The following RARA variants were observed in gnomAD, a reference collection of about 807,000 sequenced individuals.
RARA encodes the protein retinoic acid receptor alpha, also known as PML-DDX5-RARA fusion.
A neutral mutation model predicts 42.8 loss-of-function variants in RARA; 5 were observed. That is an observed-to-expected ratio of 0.12 (90% CI 0.06 to 0.25). The LOEUF (loss-of-function observed/expected upper bound fraction) is 0.25. RARA is among the 10% of genes least tolerant of loss of function. The pLI is 1.00. For missense variants in RARA, 402 were observed against 628.7 expected, an observed-to-expected ratio of 0.64 and a Z score of 3.86; for synonymous variants, 256 against 259.5, an observed-to-expected ratio of 0.99 and a Z score of 0.13.
Position 40,354,463 on chromosome 17 carries a change from T to C in RARA, c.969T>C (p.Asp323=), listed in dbSNP as rs148999974. ...ANQLLPLEMD[D]AETGLLSAIC... ...AGCTGCTGCCCCTGGAGATGGATGA[T>C]GCGGAGACGGGGCTGCTCAGCGCCA... Residue 323 remains aspartate, a synonymous_variant, in exon 7 of 9, where the codon GAT becomes GAC. Coordinates refer to ENST00000254066, the MANE Select transcript of RARA (RefSeq NM_000964.4). The surrounding 1 kb of genome is among the most constrained non-coding windows in gnomAD (Gnocchi z 4.5). 13 of 1,584,450 alleles carry C rather than the reference T, an allele frequency of 8.2e-6. No homozygotes were observed. The highest frequency in any genetic ancestry group is 3.4e-5 in the Admixed American group (2 of 59,128).
rs1246717505 is a variant in RARA at position 40,357,368 on chromosome 17, A to C, written c.*1142A>C. Reference sequence around the variant, plus strand: ...CAAACACACACACACTGGACAGTAGATGGGCCGACACACACTTGGCCCGAG... The same window carrying C: ...CAAACACACACACACTGGACAGTAGCTGGGCCGACACACACTTGGCCCGAG... On this transcript the variant is annotated 3_prime_UTR_variant, in exon 9 of 9. Coordinates refer to ENST00000254066, the MANE Select transcript of RARA (RefSeq NM_000964.4). The C allele has an allele frequency of 4.3e-6, 1 of 233,526 alleles. No individual in the cohort carries two copies. The highest frequency in any genetic ancestry group is 2.2e-5 in the African/African-American group (1 of 45,220). 14.5% of individuals were successfully genotyped at this position (233,526 alleles called of 1,614,324 possible).
chr17:40,338,554 G>A (rs2033925791), intron 2 of RARA, among the ~76,000 whole-genome samples: 1 of 152,000 alleles, frequency 6.6e-6, no homozygotes, highest in Non-Finnish European at 1.5e-5. Flanking sequence ...CTTAAAGCAA[G>A]ACTTCTGGCT....
intron 1 of RARA, among the ~76,000 whole-genome samples, chr17:40,315,122 G>T (rs1177989825): frequency 1.5e-4 from 7 of 47,986 alleles, no homozygotes; most frequent in South Asian, 7.1e-4. Context: ...ATATATATAT[G>T]CTTATATGTG....
At chr17:40,323,461 G>A (rs529210873) in intron 1 of RARA, among the ~76,000 whole-genome samples, 31 of 152,174 alleles carry the variant, frequency 2.0e-4, no homozygotes, top group African/African-American at 7.5e-4. Flanking sequence ...GGAGTGTCAA[G>A]GGGCTGTGGG....
In RARA at chr17:40,349,908, T is replaced by C. The variant is rs1384825156; in HGVS notation, c.452T>C (p.Val151Ala). 6.2e-7 allele frequency: 1 copy of C among 1,614,194 alleles called. No homozygotes were observed. ...TGCCGACTGCAGAAGTGCTTTGAAGTGGGCATGTCCAAGGAGTGTGAGTGC... is the reference window on the plus strand; with the variant it reads ...TGCCGACTGCAGAAGTGCTTTGAAGCGGGCATGTCCAAGGAGTGTGAGTGC... ...QYCRLQKCFE[V>A]GMSKESVRND... The change falls in exon 4 of 9, where the codon GTG (valine) becomes GCG (alanine). Residue 151 changes from valine to alanine, a missense_variant. Physicochemically the swap from Val to Ala is moderately conservative, Grantham distance 64 (BLOSUM62 0). Coordinates refer to ENST00000254066, the MANE Select transcript of RARA (RefSeq NM_000964.4).
At position 40,342,377 on chromosome 17, in the gene RARA, G is replaced by C. The variant is rs112359597; in HGVS notation, c.179-5939G>C. Reference sequence around the variant, plus strand: ...CGGACTTGGGGAGCCGCTGTACTCTGCCTCGGACGCCACGAGACTCTAGAC... The same window carrying C: ...CGGACTTGGGGAGCCGCTGTACTCTCCCTCGGACGCCACGAGACTCTAGAC... On this transcript the variant is annotated intron_variant, in intron 2 of 8. Coordinates refer to ENST00000254066, the MANE Select transcript of RARA (RefSeq NM_000964.4). 5 of 1,107,922 alleles carry C rather than the reference G, an allele frequency of 4.5e-6. No individual in the cohort carries two copies. In the African/African-American group the frequency reaches 8.1e-5, roughly 18 times the overall value. The allele number at this position is 1,107,922 out of a possible 1,614,324, so 68.6% of individuals were successfully genotyped here.
rs758153613 is a variant in RARA at position 40,354,549 on chromosome 17, G to A, written c.1012+43G>A. ...GTCTGGGGGCTGGGCTGGGACGGGG[G>A]TGCAGCCCTGGAGTCTCTTCCAGGG... is the stretch of plus-strand genomic sequence containing the variant. On this transcript the variant is annotated intron_variant, in intron 7 of 8. Transcript: ENST00000254066. The surrounding 1 kb of genome is among the most constrained non-coding windows in gnomAD (Gnocchi z 4.5). The A allele has an allele frequency of 1.1e-5, 18 of 1,588,024 alleles. No individual in the cohort carries two copies. Among genetic ancestry groups the A allele is most frequent in the East Asian group, 2.2e-5 (1 of 44,638 alleles).
At chr17:40,349,670 C>A (rs2034379452) in intron 3 of RARA, 114 bp from the exon 4 acceptor site, 2 of 1,387,834 alleles carry the variant, frequency 1.4e-6, no homozygotes, top group South Asian at 1.3e-5. Flanking sequence ...AGGCGATGGG[C>A]AAACGCTTGG....
Position 40,355,900 on chromosome 17 carries a change from G to T in RARA, c.1172-109G>T. 1.0e-6 allele frequency: 1 copy of T among 957,992 alleles called. No individual in the cohort carries two copies. The highest frequency in any genetic ancestry group is 1.7e-5 in the South Asian group (1 of 58,794). The allele number at this position is 957,992 out of a possible 1,614,324, so 59.3% of individuals were successfully genotyped here. A position where few individuals can be genotyped will look rare whatever the true frequency, so the allele number is the denominator to read the frequency against. ...TGTCAAAGAACTGAATCCCAAGAAA[G>T]ATGCTAATATCAGCAGTATTGATCT... On this transcript the variant is annotated intron_variant, in intron 8 of 8. Coordinates refer to ENST00000254066, the MANE Select transcript of RARA (RefSeq NM_000964.4). The surrounding 1 kb of genome is among the most constrained non-coding windows in gnomAD (Gnocchi z 4.1).
chr17:40,344,451 C>A (rs1041624228), intron 2 of RARA, among the ~76,000 whole-genome samples: 5 of 152,180 alleles, frequency 3.3e-5, no homozygotes, highest in Admixed American at 3.3e-4. Context: ...CTTCCACTGC[C>A]TTGGCCACCT....
intron 1 of RARA, among the ~76,000 whole-genome samples, chr17:40,327,327 G>A (rs2033575038): frequency 6.6e-6 from 1 of 152,220 alleles, no homozygotes; most frequent in South Asian, 2.1e-4. Context: ...GCCTCAGCGT[G>A]GGTTACAGAG....
chr17:40,315,844 A>G (rs975455434), intron 1 of RARA, among the ~76,000 whole-genome samples: 2 of 152,134 alleles, frequency 1.3e-5, no homozygotes, highest in Non-Finnish European at 2.9e-5. Flanking sequence ...CCCCCAGCCT[A>G]TCTCCTGTGT....
chr17:40,313,397 G>A (rs1260857480), intron 1 of RARA, among the ~76,000 whole-genome samples: 3 of 152,158 alleles, frequency 2.0e-5, no homozygotes, highest in Non-Finnish European at 2.9e-5. Context: ...GTTGGGGTGT[G>A]TATGGGGAGA....
intron 1 of RARA, among the ~76,000 whole-genome samples, chr17:40,325,801 C>T (rs1021231267): frequency 1.3e-4 from 20 of 152,182 alleles, no homozygotes; most frequent in Non-Finnish European, 2.9e-4. Context: ...CTGAGACTGC[C>T]TGACCTCTAT....
At position 40,355,235 on chromosome 17, in the gene RARA, T is replaced by G; in HGVS notation, c.1013-28T>G. ...CTGGGGGTGCAGCTGTGTTCCCAGC[T>G]GCTCAGGGGGTGGTTCTGCTTCCTC... On this transcript the variant is annotated intron_variant, in intron 7 of 8. Transcript: ENST00000254066. The surrounding 1 kb of genome is among the most constrained non-coding windows in gnomAD (Gnocchi z 4.1). 2 of 1,545,280 alleles carry G rather than the reference T, an allele frequency of 1.3e-6. No individual in the cohort carries two copies. Among genetic ancestry groups the G allele is most frequent in the Non-Finnish European group, 1.8e-6 (2 of 1,142,454 alleles).
chr17:40,349,758 C>A lies in RARA; in HGVS notation c.328-26C>A, dbSNP rs750350492. The A allele has an allele frequency of 1.7e-5, 27 of 1,612,960 alleles. 1 individual carries two copies. Among genetic ancestry groups the A allele is most frequent in the South Asian group, 2.2e-5 (2 of 91,002 alleles). On this transcript the variant is annotated intron_variant, in intron 3 of 8. Transcript: ENST00000254066. ...CTGCTCCCACTGTGGGTGTGGACAA[C>A]CTGACTCCCTCCCCTCCATACCCAG...
In RARA at chr17:40,312,640, G is replaced by A. The variant is rs1345225937; in HGVS notation, c.-363+3354G>A. 1.8e-4 allele frequency among the ~76,000 whole-genome samples: 28 copies of A among 152,202 alleles called. 1 individual carries two copies. The highest frequency in any genetic ancestry group is 1.8e-3 in the Admixed American group (28 of 15,290). The stretch of plus-strand genomic sequence containing the variant: ...AGACAGCAAGGAGGCATGGGGAGCA[G>A]GGGCAGGACCTTACCCAGAGGGGCA... On this transcript the variant is annotated intron_variant, in intron 1 of 8. Coordinates refer to ENST00000254066, the MANE Select transcript of RARA (RefSeq NM_000964.4).
In RARA at chr17:40,354,463, T is replaced by G. The variant is rs148999974; in HGVS notation, c.969T>G (p.Asp323Glu). 9 of 1,584,316 alleles carry G rather than the reference T, an allele frequency of 5.7e-6. No homozygotes were observed. The African/African-American group carries it at 1.2e-4, about 21-fold the overall frequency. Residue 323 changes from aspartate (D) to glutamate (E), a missense_variant, in exon 7 of 9, where the codon GAT becomes GAG. Transcript: ENST00000254066. This position sits in a 1 kb window ranked among gnomAD's most constrained non-coding sequence, Gnocchi z 4.5. Reference sequence around the variant, plus strand: ...AGCTGCTGCCCCTGGAGATGGATGATGCGGAGACGGGGCTGCTCAGCGCCA... The same window carrying G: ...AGCTGCTGCCCCTGGAGATGGATGAGGCGGAGACGGGGCTGCTCAGCGCCA... The part of the protein sequence containing the change: ...ANQLLPLEMD[D>E]AETGLLSAIC...
chr17:40,350,138 C>G (rs1262505586), intron 4 of RARA: 4 of 650,366 alleles, frequency 6.2e-6, no homozygotes, highest in Non-Finnish European at 1.0e-5. Context: ...GGTCTGTGCT[C>G]CGGGACCGTG....
Sources: gnomAD v4.1 joint callset for allele counts (sites outside exome capture counted in the v4.1 genomes callset) on GRCh38, gnomAD v4.1.1 for gene constraint, Gnocchi (gnomAD v3.1) non-coding constraint, MANE v1.5 for transcripts, NCBI Gene and HGNC (gene_info 2026-07-23, HGNC 2026-07-21) for gene names.